CAST: variants seen among roughly 807,000 people sequenced by gnomAD.
CAST encodes calpastatin.
CAST carries 76 observed loss-of-function variants against 119.6 expected under a neutral mutation model. That is an observed-to-expected ratio of 0.64 (90% CI 0.53 to 0.77). The LOEUF (loss-of-function observed/expected upper bound fraction) is 0.77, where lower values mean the gene tolerates loss of function less well. CAST is among the 30% of genes least tolerant of loss of function. The probability of loss-of-function intolerance (pLI) is 0.00; values close to 1 mark genes in which losing one functional copy is unlikely to be tolerated. For missense variants in CAST, 953 were observed against 946.5 expected, an observed-to-expected ratio of 1.01 and a Z score of -0.09; for synonymous variants, 319 against 331.6, an observed-to-expected ratio of 0.96 and a Z score of 0.41.
At chr5:96,493,492 C>G in the CAST span, among the ~76,000 whole-genome samples, 1 of 152,126 alleles carries the variant, frequency 6.6e-6, no homozygotes, top group Non-Finnish European at 1.5e-5. Context: ...GTTGGGCAGG[C>G]TGCAAAAATA....
At chr5:96,507,703 T>G in the CAST span, among the ~76,000 whole-genome samples, 1 of 152,192 alleles carries the variant, frequency 6.6e-6, no homozygotes, top group African/African-American at 2.4e-5. Context: ...CCTGGGCCTG[T>G]ATTTGTAAGC....
the CAST span, among the ~76,000 whole-genome samples, chr5:96,420,507 C>G: frequency 7.9e-5 from 12 of 152,116 alleles, no homozygotes; most frequent in Admixed American, 6.6e-4. Flanking sequence ...TTTAGTCACC[C>G]TCAAAGAAAT....
chr5:96,628,078 ATT>A (rs1259097657), intron 1 of CAST, among the ~76,000 whole-genome samples: 1 of 152,230 alleles, frequency 6.6e-6, no homozygotes, highest in East Asian at 1.9e-4. Flanking sequence ...CCTTTTAAAT[ATT>A]GTTTGTTAAG....
chr5:96,690,628 T>C (rs1014642274), intron 2 of CAST, among the ~76,000 whole-genome samples: 1 of 152,252 alleles, frequency 6.6e-6, no homozygotes, highest in African/African-American at 2.4e-5. Context: ...TTTACTGCTT[T>C]GCACTTGCAG....
At chr5:96,659,205 G>C (rs1748209318), upstream of CAST, among the ~76,000 whole-genome samples, 1 of 152,226 alleles carries the variant, frequency 6.6e-6, no homozygotes, top group Non-Finnish European at 1.5e-5. Flanking sequence ...TTGAGGTGTT[G>C]CAAGAATTAC....
At chr5:96,118,631 T>C in the CAST span, among the ~76,000 whole-genome samples, 1 of 135,342 alleles carries the variant, frequency 7.4e-6, no homozygotes, top group Admixed American at 7.4e-5. Context: ...GGAAATTTGC[T>C]TTTTTTTTTT....
At chr5:96,632,379 A>T (rs1747832855) in intron 1 of CAST, among the ~76,000 whole-genome samples, 1 of 150,576 alleles carries the variant, frequency 6.6e-6, no homozygotes, top group South Asian at 2.1e-4. Flanking sequence ...TATATATAAA[A>T]ATTTATATAT....
At chr5:96,000,682 C>T in the CAST span, among the ~76,000 whole-genome samples, 1 of 152,136 alleles carries the variant, frequency 6.6e-6, no homozygotes, top group Non-Finnish European at 1.5e-5. Flanking sequence ...AAGGGAGTGG[C>T]TTTGTTGTCT....
At chr5:96,675,019 A>G (rs908710622) in intron 1 of CAST, among the ~76,000 whole-genome samples, 5 of 152,226 alleles carry the variant, frequency 3.3e-5, no homozygotes, top group Admixed American at 6.5e-5. Context: ...AATTCTCTTT[A>G]TAGACATAAT....
the CAST span, chr5:96,408,255 A>G: frequency 1.2e-6 from 2 of 1,614,148 alleles, no homozygotes; most frequent in Non-Finnish European, 1.7e-6. Flanking sequence ...AGATGCCAGC[A>G]GCCAGAGGTG....
At chr5:96,554,999 T>A (rs187819) in intron 1 of CAST, among the ~76,000 whole-genome samples, 78,329 of 151,988 alleles carry the variant, frequency 0.52, 20,414 homozygotes, top group Admixed American at 0.55. Flanking sequence ...GTGTGGCAAT[T>A]CCTCAAGGAT....
chr5:96,314,098 A>G, the CAST span, among the ~76,000 whole-genome samples: 2 of 152,182 alleles, frequency 1.3e-5, no homozygotes, highest in African/African-American at 4.8e-5. Flanking sequence ...CTATCATAGG[A>G]TTTCTAATGG....
At chr5:96,075,197 T>C in the CAST span, among the ~76,000 whole-genome samples, 2 of 152,236 alleles carry the variant, frequency 1.3e-5, no homozygotes, top group African/African-American at 2.4e-5. Context: ...TTTTGATCTA[T>C]ATGTCTCTTA....
At chr5:96,139,579 C>T in the CAST span, among the ~76,000 whole-genome samples, 2 of 148,130 alleles carry the variant, frequency 1.4e-5, no homozygotes, top group Non-Finnish European at 3.0e-5. Context: ...CTTAACAAGT[C>T]GTTGCTGTTA....
At chr5:96,376,851 C>T in the CAST span, among the ~76,000 whole-genome samples, 1 of 152,108 alleles carries the variant, frequency 6.6e-6, no homozygotes, top group African/African-American at 2.4e-5. Flanking sequence ...CAGAAGAAGG[C>T]ATTGTTATCA....
the CAST span, among the ~76,000 whole-genome samples, chr5:96,079,511 T>C: frequency 9.2e-5 from 14 of 152,188 alleles, no homozygotes; most frequent in African/African-American, 3.4e-4. Flanking sequence ...ATTTAAAAAA[T>C]GTAGTTTGTA....
At chr5:96,412,932 A>C in the CAST span, 1 of 1,023,218 alleles carries the variant, frequency 9.8e-7, no homozygotes, top group East Asian at 9.4e-5. Context: ...AGCTTTCAGA[A>C]AGACCCTCCA....
chr5:96,708,691 A>G (rs1755505502), intron 3 of CAST, among the ~76,000 whole-genome samples: 1 of 152,072 alleles, frequency 6.6e-6, no homozygotes, highest in Non-Finnish European at 1.5e-5. Flanking sequence ...GGGTTTCATC[A>G]TGTTTCCCAG....
intron 1 of CAST, among the ~76,000 whole-genome samples, chr5:96,550,023 G>T (rs1746096249): frequency 6.6e-6 from 1 of 152,234 alleles, no homozygotes. Flanking sequence ...AGACTTAAAC[G>T]TCCCTGCCCG....
Sources: gnomAD v4.1 joint callset for allele counts (sites outside exome capture counted in the v4.1 genomes callset) on GRCh38, gnomAD v4.1.1 for gene constraint, MANE v1.5 for transcripts, NCBI Gene and HGNC (gene_info 2026-07-23, HGNC 2026-07-21) for gene names.